The following ADCY8 variants were observed in gnomAD, a reference collection of about 807,000 sequenced individuals.
ADCY8 encodes the protein adenylate cyclase 8.
A neutral mutation model predicts 119.7 loss-of-function variants in ADCY8; 51 were observed. The ratio of observed to expected loss-of-function variants is 0.43; its 90% CI spans 0.34 to 0.54. The LOEUF (loss-of-function observed/expected upper bound fraction) is 0.54, where lower values mean the gene tolerates loss of function less well. ADCY8 is among the 20% of genes least tolerant of loss of function. The probability of loss-of-function intolerance (pLI) is 0.03; values close to 1 mark genes in which losing one functional copy is unlikely to be tolerated. For synonymous variants in ADCY8, 665 were observed against 651.0 expected (o/e 1.02, Z -0.33); for missense variants, 1,383 against 1,598.8 (o/e 0.87, Z 2.30).
intron 2 of ADCY8, among the ~76,000 whole-genome samples, chr8:130,974,126 C>T (rs997949504): frequency 3.9e-5 from 6 of 152,234 alleles, no homozygotes; most frequent in African/African-American, 1.2e-4. Flanking sequence ...AAGCACCCTT[C>T]GTTTGTGTGG....
At chr8:130,847,576 G>T in intron 10 of ADCY8, 63 bp from the exon 11 acceptor site, 1 of 1,376,130 alleles carries the variant, frequency 7.3e-7, no homozygotes, top group Non-Finnish European at 1.0e-6. Context: ...CAAAGTCAGT[G>T]TGAGTGCTGG....
intron 9 of ADCY8, among the ~76,000 whole-genome samples, chr8:130,858,869 G>A (rs750106872): frequency 6.6e-6 from 1 of 151,578 alleles, no homozygotes; most frequent in Non-Finnish European, 1.5e-5. Context: ...TGGTTCCTGT[G>A]TCCCTTTGAA....
At chr8:130,819,379 T>C (rs926205157) in intron 13 of ADCY8, among the ~76,000 whole-genome samples, 1 of 152,202 alleles carries the variant, frequency 6.6e-6, no homozygotes, top group African/African-American at 2.4e-5. Context: ...ATAATCTTAA[T>C]GCAATTAGGT....
At chr8:131,023,269 C>T (rs1236652517) in intron 1 of ADCY8, among the ~76,000 whole-genome samples, 2 of 152,204 alleles carry the variant, frequency 1.3e-5, no homozygotes, top group Non-Finnish European at 2.9e-5. Flanking sequence ...TGCCCTGATG[C>T]CCATGGACAC....
intron 1 of ADCY8, 49 bp from the exon 2 acceptor site, chr8:130,990,591 AAG>A (rs777717856): frequency 5.0e-6 from 8 of 1,589,168 alleles, no homozygotes; most frequent in Non-Finnish European, 6.9e-6. Flanking sequence ...AGCTATTTAC[AAG>A]CAACAATAAA....
At chr8:130,871,659 C>T (rs1036775668) in intron 8 of ADCY8, among the ~76,000 whole-genome samples, 1 of 152,070 alleles carries the variant, frequency 6.6e-6, no homozygotes, top group Non-Finnish European at 1.5e-5. Context: ...GTCTTCTATT[C>T]CTCTGTACAG....
intron 2 of ADCY8, among the ~76,000 whole-genome samples, chr8:130,960,676 A>G (rs1304832842): frequency 6.6e-6 from 1 of 152,114 alleles, no homozygotes; most frequent in East Asian, 1.9e-4. Context: ...CTAGTGCCAG[A>G]AGATACAGCA....
chr8:130,955,161 A>C (rs1045524802), intron 2 of ADCY8, among the ~76,000 whole-genome samples: 3 of 152,310 alleles, frequency 2.0e-5, no homozygotes, highest in African/African-American at 7.2e-5. Context: ...ATGGCATGGA[A>C]AGATACGCAT....
At chr8:130,932,353 CG>C (rs1308678754) in intron 5 of ADCY8, among the ~76,000 whole-genome samples, 5 of 152,158 alleles carry the variant, frequency 3.3e-5, no homozygotes, top group African/African-American at 1.2e-4. Context: ...TATCTGCCAT[CG>C]GGGCGTGTGT....
At chr8:130,892,053 TGG>T (rs1819206248) in intron 7 of ADCY8, 1 of 152,164 alleles carries the variant, frequency 6.6e-6, no homozygotes, top group Non-Finnish European at 1.5e-5. Context: ...GATCTTATTG[TGG>T]GAGAAGGTCT....
At chr8:130,969,250 A>G (rs946555018) in intron 2 of ADCY8, among the ~76,000 whole-genome samples, 5 of 152,194 alleles carry the variant, frequency 3.3e-5, no homozygotes, top group African/African-American at 7.2e-5. Flanking sequence ...ACCTCTCCCA[A>G]GCAGAAAGGA....
At chr8:130,999,533 G>T (rs1822880394) in intron 1 of ADCY8, among the ~76,000 whole-genome samples, 2 of 152,140 alleles carry the variant, frequency 1.3e-5, no homozygotes. Context: ...TCTCCCTGGG[G>T]TGTCCTGAGG....
chr8:130,928,332 C>A (rs898269254), intron 5 of ADCY8, among the ~76,000 whole-genome samples: 10 of 152,188 alleles, frequency 6.6e-5, no homozygotes, highest in Non-Finnish European at 1.3e-4. Flanking sequence ...CTTGGCCTCA[C>A]AATGTGTTGG....
At chr8:130,944,495 G>C (rs901460231) in intron 3 of ADCY8, among the ~76,000 whole-genome samples, 5 of 152,192 alleles carry the variant, frequency 3.3e-5, no homozygotes, top group African/African-American at 1.2e-4. Flanking sequence ...GCCTATGAGT[G>C]TAATTTAGTT....
At chr8:130,861,384 T>C (rs918404493) in intron 9 of ADCY8, among the ~76,000 whole-genome samples, 12 of 152,226 alleles carry the variant, frequency 7.9e-5, no homozygotes, top group Non-Finnish European at 2.9e-5. Flanking sequence ...ATCAGTGTTT[T>C]GAAGATTTCT....
At chr8:130,812,950 CT>C (rs111620889) in intron 14 of ADCY8, among the ~76,000 whole-genome samples, 36,843 of 139,938 alleles carry the variant, frequency 0.26, 4,113 homozygotes, top group African/African-American at 0.3. Context: ...CCATCTTGAT[CT>C]TTTTTTTTTT....
chr8:130,829,053 A>G (rs917150115), intron 12 of ADCY8, among the ~76,000 whole-genome samples: 1 of 152,224 alleles, frequency 6.6e-6, no homozygotes, highest in Non-Finnish European at 1.5e-5. Flanking sequence ...AGTCACAGGC[A>G]GAGCACTAGA....
Position 130,849,806 on chromosome 8 carries a change from G to T in ADCY8, c.2211-3C>A, listed in dbSNP as rs375329106. The T allele has an allele frequency of 6.2e-7, 1 of 1,610,550 alleles. No homozygotes were observed. The highest frequency in any genetic ancestry group is 1.1e-5 in the South Asian group (1 of 90,480). ...ACTGGATGGTCATTGGCATCACTCT[G>T]CAGGGAAACACAGAATGTTGGGTCA... On this transcript the variant is annotated splice_polypyrimidine_tract_variant and splice_region_variant and intron_variant, in intron 9 of 17. Coordinates refer to ENST00000286355, the MANE Select transcript of ADCY8 (RefSeq NM_001115.3).
At chr8:131,027,792 G>A (rs1823866469) in intron 1 of ADCY8, among the ~76,000 whole-genome samples, 2 of 152,182 alleles carry the variant, frequency 1.3e-5, no homozygotes, top group Admixed American at 6.5e-5. Context: ...GATTATCCAG[G>A]GAGTGGTGTG....
Sources: allele counts gnomAD v4.1 joint callset (sites outside exome capture counted in the v4.1 genomes callset), GRCh38; gene constraint gnomAD v4.1.1; transcripts MANE v1.5; gene names NCBI Gene and HGNC (gene_info 2026-07-23, HGNC 2026-07-21).